The following CAP1 variants were observed in gnomAD, a reference collection of about 807,000 sequenced individuals.
The protein encoded by CAP1 is adenylyl cyclase-associated protein 1.
CAP1 carries 11 observed loss-of-function variants against 58.2 expected under a neutral mutation model. The observed-to-expected ratio is 0.19, with a 90% CI of 0.12 to 0.31. CAP1 has a LOEUF of 0.31. Among genes scored for constraint, CAP1 ranks in the 10% least tolerant of loss-of-function variants. CAP1 has a pLI of 1.00. For synonymous variants in CAP1, 183 were observed against 213.8 expected, an observed-to-expected ratio of 0.86 and a Z score of 1.26; for missense variants, 423 against 587.5, an observed-to-expected ratio of 0.72 and a Z score of 2.89.
At chr1:40,061,015 T>C (rs1646825171) in intron 3 of CAP1, among the ~76,000 whole-genome samples, 1 of 152,212 alleles carries the variant, frequency 6.6e-6, no homozygotes, top group South Asian at 2.1e-4. Context: ...ATTGCTTTCT[T>C]TGAATTTTTG....
At chr1:40,070,800 A>T in intron 11 of CAP1, 36 bp from the exon 12 acceptor site, 1 of 1,575,376 alleles carries the variant, frequency 6.3e-7, no homozygotes, top group East Asian at 2.2e-5. Context: ...GTCCTTCCCA[A>T]CCACTGGGAC....
chr1:40,059,216 C>T, intron 1 of CAP1, 121 bp from the exon 2 acceptor site: 6 of 573,562 alleles, frequency 1.0e-5, no homozygotes, highest in South Asian at 2.4e-5. Flanking sequence ...TTAAATTATT[C>T]TGTTCCTGAG....
chr1:40,051,937 AT>A (rs1216024953), intron 1 of CAP1, among the ~76,000 whole-genome samples: 8 of 152,108 alleles, frequency 5.3e-5, no homozygotes, highest in Non-Finnish European at 1.2e-4. Flanking sequence ...AATCTACAGT[AT>A]TTATTCCATT....
chr1:40,067,295 T>C, intron 7 of CAP1: 1 of 422,052 alleles, frequency 2.4e-6, no homozygotes, highest in Non-Finnish European at 4.2e-6. Flanking sequence ...GGAAATAGTT[T>C]TTAGAGCTGG....
intron 3 of CAP1, 45 bp from the exon 4 acceptor site, chr1:40,061,690 T>G (rs1182756009): frequency 6.7e-7 from 1 of 1,497,136 alleles, no homozygotes; most frequent in South Asian, 1.1e-5. Flanking sequence ...TCAAGACTTC[T>G]CTAGTTATAA....
In CAP1 at chr1:40,064,137, C is replaced by T; in HGVS notation, c.295-90C>T. 4 of 1,264,444 alleles carry T rather than the reference C, an allele frequency of 3.2e-6. No individual in the cohort carries two copies. The South Asian group carries it at 5.2e-5, about 16-fold the overall frequency. The allele number at this position is 1,264,444 out of a possible 1,614,324, so 78.3% of individuals were successfully genotyped here. A position where few individuals can be genotyped will look rare whatever the true frequency, so the allele number is the denominator to read the frequency against. ...AGTTTATTTGGGTGCTCACTAGAGT[C>T]CATAGAGAATTCTTGCCTTCAGGAT... is the stretch of plus-strand genomic sequence containing the variant. On this transcript the variant is annotated intron_variant, in intron 4 of 12. Transcript: ENST00000372805.
intron 12 of CAP1, among the ~76,000 whole-genome samples, 178 bp from the exon 13 acceptor site, chr1:40,071,272 A>C (rs1421020064): frequency 6.6e-6 from 1 of 152,194 alleles, no homozygotes; most frequent in East Asian, 1.9e-4. Flanking sequence ...TAGACTTAAT[A>C]GTCTGTCCAA....
chr1:40,046,523 A>G (rs1275789636), intron 1 of CAP1, among the ~76,000 whole-genome samples: 1 of 152,166 alleles, frequency 6.6e-6, no homozygotes, highest in Non-Finnish European at 1.5e-5. Flanking sequence ...TAGTTTATGG[A>G]GTTATTCACA....
At chr1:40,041,731 C>T (rs775011964) in intron 1 of CAP1, among the ~76,000 whole-genome samples, 1 of 152,152 alleles carries the variant, frequency 6.6e-6, no homozygotes, top group African/African-American at 2.4e-5. Context: ...AGACCCTGCC[C>T]GCGTGGAGCT....
chr1:40,046,464 A>G (rs755026564), intron 1 of CAP1, among the ~76,000 whole-genome samples: 3 of 74,706 alleles, frequency 4.0e-5, no homozygotes, highest in Non-Finnish European at 8.0e-5. Context: ...CTCCGTCTCA[A>G]AAAAACAAAA....
At chr1:40,061,939 G>A (rs1048945021) in intron 4 of CAP1, 127 bp downstream of exon 4, 1 of 735,032 alleles carries the variant, frequency 1.4e-6, no homozygotes, top group African/African-American at 1.7e-5. Context: ...TTCATACCAA[G>A]TCCCAGAGGT....
intron 1 of CAP1, among the ~76,000 whole-genome samples, chr1:40,043,635 G>A (rs1324284265): frequency 6.6e-6 from 1 of 152,146 alleles, no homozygotes; most frequent in East Asian, 1.9e-4. Context: ...CTGACACTTT[G>A]GGAGGCTGAG....
intron 6 of CAP1, among the ~76,000 whole-genome samples, 193 bp from the exon 7 acceptor site, chr1:40,066,022 G>A (rs1385131871): frequency 6.6e-6 from 1 of 152,162 alleles, no homozygotes; most frequent in Admixed American, 6.5e-5. Context: ...TCTTAGTGGA[G>A]TTTGGTCTGA....
intron 1 of CAP1, among the ~76,000 whole-genome samples, chr1:40,045,525 A>C (rs1646052053): frequency 6.6e-6 from 1 of 152,130 alleles, no homozygotes; most frequent in African/African-American, 2.4e-5. Context: ...CAGCCTCCTG[A>C]GTAGCTGGGA....
Position 40,069,675 on chromosome 1 carries a change from CTGT to C in CAP1, c.809-10_809-8del. ...GGTATGAAGGACAGGAACAAGGTAG[CTGT>C]TGTTCTTACAGCCCTGAAACATGTA... On this transcript the variant is annotated splice_polypyrimidine_tract_variant and intron_variant, in intron 8 of 12. Coordinates refer to ENST00000372805, the MANE Select transcript of CAP1 (RefSeq NM_006367.4). 1 of 1,608,192 alleles carries C rather than the reference CTGT, an allele frequency of 6.2e-7. No individual in the cohort carries two copies. The highest frequency in any genetic ancestry group is 8.5e-7 in the Non-Finnish European group (1 of 1,176,172).
At chr1:40,059,986 C>G in intron 2 of CAP1, 81 bp from the exon 3 acceptor site, 2 of 1,153,380 alleles carry the variant, frequency 1.7e-6, no homozygotes, top group East Asian at 2.3e-5. Flanking sequence ...TACCTTGCCT[C>G]CCCACTTTCA....
intron 1 of CAP1, among the ~76,000 whole-genome samples, chr1:40,055,194 C>T (rs1248358984): frequency 2.0e-5 from 3 of 151,980 alleles, no homozygotes; most frequent in Admixed American, 6.6e-5. Context: ...CAAGTAGTCC[C>T]GGGTTGCTGT....
chr1:40,070,291 T>G lies in CAP1; in HGVS notation c.1117+9T>G. ...TAACTCCATTACAGTAGGTGAGTCT[T>G]TGTCGCTGTCCCACGCAAGCCCCGT... On this transcript the variant is annotated intron_variant, in intron 10 of 12. Coordinates refer to ENST00000372805, the MANE Select transcript of CAP1 (RefSeq NM_006367.4). 4 of 1,614,142 alleles carry G rather than the reference T, an allele frequency of 2.5e-6. No individual in the cohort carries two copies. Among genetic ancestry groups the G allele is most frequent in the Non-Finnish European group, 3.4e-6 (4 of 1,180,000 alleles).
intron 1 of CAP1, among the ~76,000 whole-genome samples, chr1:40,051,439 A>G (rs1302797638): frequency 6.6e-6 from 1 of 152,148 alleles, no homozygotes; most frequent in Admixed American, 6.6e-5. Flanking sequence ...GCATGTAGTT[A>G]TAGTCCCAGT....
Sources: gnomAD v4.1 joint callset for allele counts (sites outside exome capture counted in the v4.1 genomes callset) on GRCh38, gnomAD v4.1.1 for gene constraint, MANE v1.5 for transcripts, NCBI Gene and HGNC (gene_info 2026-07-23, HGNC 2026-07-21) for gene names.